WWTR1: variants seen among roughly 807,000 people sequenced by gnomAD.
The protein encoded by WWTR1 is WW domain-containing transcription regulator protein 1.
WWTR1 carries 13 observed loss-of-function variants against 40.1 expected under a neutral mutation model. That is an observed-to-expected ratio of 0.32 (90% CI 0.21 to 0.52). The LOEUF is 0.52. WWTR1 is among the 20% of genes least tolerant of loss of function. The pLI is 0.97. For missense variants in WWTR1, 436 were observed against 523.1 expected, an observed-to-expected ratio of 0.83 and a Z score of 1.63; for synonymous variants, 230 against 210.1, an observed-to-expected ratio of 1.09 and a Z score of -0.82.
At chr3:149,681,251 C>T (rs1410979500) in intron 1 of WWTR1, among the ~76,000 whole-genome samples, 1 of 152,188 alleles carries the variant, frequency 6.6e-6, no homozygotes, top group Non-Finnish European at 1.5e-5. Context: ...TGAAGAACCT[C>T]CATGCTGTTT....
chr3:149,581,113 G>A (rs978654464), intron 2 of WWTR1, among the ~76,000 whole-genome samples: 2 of 152,058 alleles, frequency 1.3e-5, no homozygotes, highest in Admixed American at 1.3e-4. Context: ...TTCCTCCCAC[G>A]TTGTCATTCT....
intron 3 of WWTR1, among the ~76,000 whole-genome samples, chr3:149,542,997 A>T (rs1055546768): frequency 1.3e-5 from 2 of 152,194 alleles, no homozygotes; most frequent in Non-Finnish European, 2.9e-5. Flanking sequence ...ATTGACAAAC[A>T]ACATGTAACA....
At chr3:149,557,723 C>T (rs1192621631) in intron 3 of WWTR1, among the ~76,000 whole-genome samples, 1 of 152,032 alleles carries the variant, frequency 6.6e-6, no homozygotes, top group Admixed American at 6.5e-5. Context: ...CATGTTTTGG[C>T]CAGGCACAGT....
upstream of WWTR1, chr3:149,658,262 CTCTCCCGCTCAGACCTGCA>C: frequency 6.6e-6 from 1 of 152,574 alleles, no homozygotes; most frequent in Middle Eastern, 3.3e-3. Flanking sequence ...CCGCGCGGAC[CTCTCCCGCTCAGACCTGCA>C]TCTGCATTCC....
chr3:149,572,426 G>T (rs888850401), intron 3 of WWTR1, among the ~76,000 whole-genome samples: 1 of 152,164 alleles, frequency 6.6e-6, no homozygotes, highest in Non-Finnish European at 1.5e-5. Flanking sequence ...AAGACAGGAG[G>T]CCTAACTGAT....
intron 2 of WWTR1, among the ~76,000 whole-genome samples, chr3:149,590,556 G>A (rs993874903): frequency 6.6e-6 from 1 of 152,148 alleles, no homozygotes; most frequent in Admixed American, 6.5e-5. Flanking sequence ...TGAGGCAGGA[G>A]AATCGCTTGA....
intron 2 of WWTR1, among the ~76,000 whole-genome samples, chr3:149,623,167 G>C (rs1740393943): frequency 6.6e-6 from 1 of 152,142 alleles, no homozygotes; most frequent in Non-Finnish European, 1.5e-5. Context: ...TTTGAGACCA[G>C]CCTGACCAAC....
At chr3:149,611,508 G>T (rs1466431399) in intron 2 of WWTR1, among the ~76,000 whole-genome samples, 1 of 152,172 alleles carries the variant, frequency 6.6e-6, no homozygotes, top group Non-Finnish European at 1.5e-5. Flanking sequence ...GGCCAGAGAG[G>T]GATCAATCCA....
intron 4 of WWTR1, among the ~76,000 whole-genome samples, chr3:149,528,529 C>T (rs562300800): frequency 6.6e-6 from 1 of 152,220 alleles, no homozygotes; most frequent in Admixed American, 6.5e-5. Context: ...TGGTGGCTCA[C>T]GTCCATAATC....
chr3:149,580,452 T>G (rs1024794686), intron 2 of WWTR1, among the ~76,000 whole-genome samples: 18 of 152,064 alleles, frequency 1.2e-4, no homozygotes, highest in African/African-American at 4.3e-4. Flanking sequence ...GGGAGCCCAT[T>G]GCAGGAGAAA....
chr3:149,676,667 C>A (rs6763977), intron 1 of WWTR1, among the ~76,000 whole-genome samples: 5 of 149,358 alleles, frequency 3.3e-5, no homozygotes, highest in African/African-American at 1.3e-4. Flanking sequence ...TTTGCCCATG[C>A]GCACAGTTAG....
chr3:149,594,602 G>A (rs1014585927), intron 2 of WWTR1, among the ~76,000 whole-genome samples: 2 of 151,788 alleles, frequency 1.3e-5, no homozygotes, highest in African/African-American at 4.8e-5. Context: ...AGGTTAAGAC[G>A]AAAAACAAAC....
chr3:149,631,326 G>A (rs1457974216), intron 2 of WWTR1, among the ~76,000 whole-genome samples: 1 of 152,002 alleles, frequency 6.6e-6, no homozygotes, highest in African/African-American at 2.4e-5. Context: ...TGTTACTCTG[G>A]GTGTAGAGAG....
chr3:149,700,925 T>C (rs1358704714), intron 1 of WWTR1, among the ~76,000 whole-genome samples: 1 of 152,242 alleles, frequency 6.6e-6, no homozygotes, highest in Non-Finnish European at 1.5e-5. Context: ...ACACCAGGAC[T>C]GAAACACAGG....
intron 2 of WWTR1, among the ~76,000 whole-genome samples, chr3:149,580,726 C>G (rs1312659063): frequency 6.6e-6 from 1 of 152,236 alleles, no homozygotes; most frequent in East Asian, 1.9e-4. Context: ...AATTCTCCTC[C>G]TTTAGCCTCC....
chr3:149,561,122 G>A (rs1017390955), intron 3 of WWTR1, among the ~76,000 whole-genome samples: 2 of 152,144 alleles, frequency 1.3e-5, no homozygotes, highest in Admixed American at 6.5e-5. Flanking sequence ...GCACAAAAAT[G>A]TATGTGTGTG....
intron 2 of WWTR1, among the ~76,000 whole-genome samples, chr3:149,652,849 A>G (rs1009660268): frequency 2.6e-5 from 4 of 151,974 alleles, no homozygotes; most frequent in South Asian, 2.1e-4. Flanking sequence ...GAAGGTAACA[A>G]TCTAAGAATT....
chr3:149,614,278 G>A (rs866084622), intron 2 of WWTR1, among the ~76,000 whole-genome samples: 6 of 152,086 alleles, frequency 3.9e-5, no homozygotes, highest in East Asian at 1.9e-4. Context: ...TGGAAATGTC[G>A]TGGCACAACA....
chr3:149,585,121 CGTGTGT>C (rs61655468), intron 2 of WWTR1, among the ~76,000 whole-genome samples: 128 of 144,412 alleles, frequency 8.9e-4, no homozygotes, highest in Non-Finnish European at 1.2e-3. Flanking sequence ...TGATTTCTTT[CGTGTGT>C]GTGTGTGTGT....
Sources: allele counts gnomAD v4.1 joint callset (sites outside exome capture counted in the v4.1 genomes callset), GRCh38; gene constraint gnomAD v4.1.1; transcripts MANE v1.5; gene names NCBI Gene and HGNC (gene_info 2026-07-23, HGNC 2026-07-21).